The following TMEM260 variants were observed in gnomAD, a reference collection of about 807,000 sequenced individuals.
TMEM260 encodes protein O-mannosyl-transferase TMEM260.
Under a neutral mutation model 88.9 loss-of-function variants are expected in TMEM260, and 82 were observed. That is an observed-to-expected ratio of 0.92 (90% CI 0.77 to 1.11). The LOEUF (loss-of-function observed/expected upper bound fraction) is 1.11. TMEM260 is among the 50% of genes least tolerant of loss of function. The pLI is 0.00. For synonymous variants in TMEM260, 314 were observed against 309.3 expected (o/e 1.02, Z -0.16); for missense variants, 902 against 853.4 (o/e 1.06, Z -0.71).
chr14:56,654,603 G>A (rs1890266477), downstream of TMEM260, among the ~76,000 whole-genome samples: 1 of 151,976 alleles, frequency 6.6e-6, no homozygotes, highest in Non-Finnish European at 1.5e-5. Context: ...CGGATCACCT[G>A]AGGTCAGGAG....
chr14:56,634,203 C>T (rs969635770), intron 13 of TMEM260, among the ~76,000 whole-genome samples: 1 of 152,060 alleles, frequency 6.6e-6, no homozygotes, highest in African/African-American at 2.4e-5. Context: ...GCCAGGAGTC[C>T]CCTCTCTTCA....
At chr14:56,644,640 A>G (rs1240456350) in intron 15 of TMEM260, among the ~76,000 whole-genome samples, 1 of 152,232 alleles carries the variant, frequency 6.6e-6, no homozygotes, top group African/African-American at 2.4e-5. Context: ...ACAAAAGCCA[A>G]AATTGACAAA....
intron 10 of TMEM260, among the ~76,000 whole-genome samples, chr14:56,620,651 C>T (rs751766907): frequency 9.2e-5 from 14 of 152,176 alleles, no homozygotes; most frequent in Non-Finnish European, 1.8e-4. Flanking sequence ...AGGTAGGAAA[C>T]AGTAATTTTT....
intron 3 of TMEM260, among the ~76,000 whole-genome samples, chr14:56,596,579 C>G (rs974119755): frequency 6.6e-6 from 1 of 150,380 alleles, no homozygotes; most frequent in African/African-American, 2.4e-5. Context: ...CTAGCCTCAA[C>G]ATGGAGAAAC....
At chr14:56,653,765 A>G (rs979353819), downstream of TMEM260, among the ~76,000 whole-genome samples, 2 of 151,768 alleles carry the variant, frequency 1.3e-5, no homozygotes, top group African/African-American at 4.8e-5. Context: ...ACAGGACATC[A>G]AAAGGGTTAG....
chr14:56,590,525 A>G (rs753396102), intron 3 of TMEM260, among the ~76,000 whole-genome samples: 4 of 152,180 alleles, frequency 2.6e-5, no homozygotes, highest in African/African-American at 7.2e-5. Flanking sequence ...TCAATCTCCA[A>G]TTGGGAGAAA....
chr14:56,650,979 ATGGT>A (rs1890196296), downstream of TMEM260, among the ~76,000 whole-genome samples: 1 of 152,222 alleles, frequency 6.6e-6, no homozygotes, highest in Non-Finnish European at 1.5e-5. Flanking sequence ...TTCAAGTCTT[ATGGT>A]TAGTTAAAGA....
At chr14:56,606,413 A>T (rs1886905102) in intron 5 of TMEM260, among the ~76,000 whole-genome samples, 1 of 152,210 alleles carries the variant, frequency 6.6e-6, no homozygotes, top group Non-Finnish European at 1.5e-5. Context: ...ATACCCAGCT[A>T]TAATCAGAAT....
rs577063293 is a variant in TMEM260, at chr14:56,603,863, A to G, written c.393A>G (p.Ser131=). The change falls in exon 4 of 16, where the codon TCA becomes TCG. Residue 131 remains serine (S), a synonymous_variant. Coordinates refer to ENST00000261556, the MANE Select transcript of TMEM260 (RefSeq NM_017799.4). ...AGGILAAGVF[S]FSRLTWQWSI... ...GAATCCTTGCTGCGGGGGTGTTTTC[A>G]TTTTCTCGTCTAACATGGCAGTGGT... is the stretch of plus-strand genomic sequence containing the variant. 41 of 1,613,732 alleles carry G rather than the reference A, an allele frequency of 2.5e-5. No homozygotes were observed. In the Admixed American group the frequency reaches 4.8e-4, roughly 19 times the overall value.
intron 15 of TMEM260, among the ~76,000 whole-genome samples, chr14:56,643,613 C>T (rs1043892659): frequency 6.6e-5 from 10 of 152,228 alleles, no homozygotes; most frequent in African/African-American, 2.4e-4. Context: ...ACAGGGATGC[C>T]CTCTCTCACC....
chr14:56,580,146 C>T (rs1594799327), intron 1 of TMEM260, 72 bp downstream of exon 1: 9 of 1,201,410 alleles, frequency 7.5e-6, no homozygotes, highest in Admixed American at 4.2e-5. Context: ...CTGCGTCTGG[C>T]CCCTGCTCTT....
intron 3 of TMEM260, among the ~76,000 whole-genome samples, chr14:56,603,333 G>A (rs1886691848): frequency 6.6e-6 from 1 of 152,170 alleles, no homozygotes; most frequent in African/African-American, 2.4e-5. Flanking sequence ...GACATTCTTT[G>A]CCATATGCTG....
chr14:56,655,188 G>A (rs577453232), downstream of TMEM260, among the ~76,000 whole-genome samples: 16 of 152,054 alleles, frequency 1.1e-4, no homozygotes, highest in African/African-American at 2.7e-4. Flanking sequence ...TCAGGAGTTC[G>A]AGACCAGCCT....
At chr14:56,626,856 C>T (rs1435936340) in intron 12 of TMEM260, among the ~76,000 whole-genome samples, 2 of 152,142 alleles carry the variant, frequency 1.3e-5, no homozygotes, top group African/African-American at 4.8e-5. Context: ...CCAAGGACAG[C>T]TGCTGTTAAT....
At chr14:56,590,010 A>G (rs1885751915) in intron 3 of TMEM260, among the ~76,000 whole-genome samples, 1 of 152,142 alleles carries the variant, frequency 6.6e-6, no homozygotes, top group Non-Finnish European at 1.5e-5. Flanking sequence ...AGAAGTAACT[A>G]TGCATAAGTA....
At chr14:56,643,672 G>C (rs1476443715) in intron 15 of TMEM260, among the ~76,000 whole-genome samples, 1 of 152,124 alleles carries the variant, frequency 6.6e-6, no homozygotes, top group Non-Finnish European at 1.5e-5. Context: ...CAGTCAGGCA[G>C]GAGAAGGAAA....
At chr14:56,580,327 TCTCCACTTC>T (rs1885039892) in intron 1 of TMEM260, among the ~76,000 whole-genome samples, 2 of 152,220 alleles carry the variant, frequency 1.3e-5, no homozygotes, top group East Asian at 3.9e-4. Flanking sequence ...CTTATCGACC[TCTCCACTTC>T]CCCAGATCTT....
At chr14:56,584,870 A>G in intron 1 of TMEM260, 131 bp from the exon 2 acceptor site, 1 of 682,844 alleles carries the variant, frequency 1.5e-6, no homozygotes, top group Non-Finnish European at 2.5e-6. Context: ...ATGCTGTTAA[A>G]TCTCTACAGA....
At chr14:56,656,433 A>C in the TMEM260 span, among the ~76,000 whole-genome samples, 1 of 152,108 alleles carries the variant, frequency 6.6e-6, no homozygotes, top group Non-Finnish European at 1.5e-5. Flanking sequence ...TAAATAAATA[A>C]ATAAATAAAG....
Sources: gnomAD v4.1 joint callset for allele counts (sites outside exome capture counted in the v4.1 genomes callset) on GRCh38, gnomAD v4.1.1 for gene constraint, MANE v1.5 for transcripts, NCBI Gene and HGNC (gene_info 2026-07-23, HGNC 2026-07-21) for gene names.